The following USP43 variants were observed in gnomAD, a reference collection of about 807,000 sequenced individuals.
USP43 encodes ubiquitin carboxyl-terminal hydrolase 43.
Under a neutral mutation model 90.7 loss-of-function variants are expected in USP43, and 33 were observed. The ratio of observed to expected loss-of-function variants is 0.36; its 90% confidence interval spans 0.28 to 0.49. The LOEUF (loss-of-function observed/expected upper bound fraction) is 0.49. Among genes scored for constraint, USP43 ranks in the 20% least tolerant of loss-of-function variants. The pLI, the probability that USP43 is intolerant of heterozygous loss-of-function variation, is 0.98. For synonymous variants in USP43, 598 were observed against 615.8 expected (o/e 0.97, Z 0.43); for missense variants, 1,274 against 1,476.4 (o/e 0.86, Z 2.25).
At chr17:9,659,770 TTAAG>T (rs977215401) in intron 2 of USP43, among the ~76,000 whole-genome samples, 1 of 151,922 alleles carries the variant, frequency 6.6e-6, no homozygotes, top group Non-Finnish European at 1.5e-5. Context: ...CACACAGTTA[TTAAG>T]TGAGAGAACT....
intron 9 of USP43, 76 bp downstream of exon 9, chr17:9,693,306 C>T: frequency 8.5e-7 from 1 of 1,180,334 alleles, no homozygotes. Flanking sequence ...GGGTATATGT[C>T]AATGAGATTG....
intron 4 of USP43, 51 bp downstream of exon 4, chr17:9,675,034 A>G (rs1913676072): frequency 1.3e-6 from 2 of 1,519,354 alleles, no homozygotes; most frequent in Non-Finnish European, 1.8e-6. Flanking sequence ...ATCCTTACTC[A>G]TTACGGGGAA....
intron 12 of USP43, among the ~76,000 whole-genome samples, chr17:9,703,561 C>T (rs1201592247): frequency 6.6e-6 from 1 of 152,182 alleles, no homozygotes; most frequent in Non-Finnish European, 1.5e-5. Context: ...CACAGTGTGC[C>T]ACCACCTGCC....
intron 3 of USP43, among the ~76,000 whole-genome samples, chr17:9,673,940 T>C (rs974947433): frequency 9.9e-5 from 15 of 152,188 alleles, no homozygotes; most frequent in Admixed American, 5.2e-4. Context: ...GTGGGCAGTG[T>C]CAGTGATTCT....
Position 9,709,658 on chromosome 17 carries a change from G to A in USP43, c.2012-298G>A, listed in dbSNP as rs371920212. On this transcript the variant is annotated intron_variant, in intron 12 of 14. Coordinates refer to ENST00000285199, the MANE Select transcript of USP43 (RefSeq NM_153210.5). The surrounding 1 kb of genome is among the most constrained non-coding windows in gnomAD (Gnocchi z 5.0). The stretch of plus-strand genomic sequence containing the variant: ...TGGAACCCGGGGGGTGGAGGTTGCC[G>A]TGAGCCGAGATCGCGCCACTTCACT... 1.3e-3 allele frequency among the ~76,000 whole-genome samples: 194 copies of A among 152,216 alleles called. 1 individual carries two copies. The highest frequency in any genetic ancestry group is 4.4e-3 in the African/African-American group (183 of 41,530).
chr17:9,675,125 G>A (rs1205388138), intron 4 of USP43, 142 bp downstream of exon 4: 1 of 723,676 alleles, frequency 1.4e-6, no homozygotes, highest in African/African-American at 1.7e-5. Context: ...ATAGCTGGAT[G>A]ACATTCAACT....
Position 9,701,093 on chromosome 17 carries a change from A to G in USP43, c.1536-26A>G, listed in dbSNP as rs1915537825. On this transcript the variant is annotated intron_variant, in intron 10 of 14. Coordinates refer to ENST00000285199, the MANE Select transcript of USP43 (RefSeq NM_153210.5). This position sits in a 1 kb window ranked among gnomAD's most constrained non-coding sequence, Gnocchi z 7.2. ...CTGTCTGGGAGCAGGAAAGTCCTGA[A>G]CGCCGTGGGTGTCCTCTCCGTGCAG... 6.9e-7 allele frequency: 1 copy of G among 1,448,200 alleles called. No individual in the cohort carries two copies. Among genetic ancestry groups the G allele is most frequent in the Non-Finnish European group, 9.1e-7 (1 of 1,097,482 alleles). 89.7% of individuals were successfully genotyped at this position (1,448,200 alleles called of 1,614,324 possible). A position where few individuals can be genotyped will look rare whatever the true frequency, so the allele number is the denominator to read the frequency against.
At chr17:9,647,061 C>CAAAAAAAAAAAAAAAAAAAAA (rs11305216) in intron 1 of USP43, 21 of 79,754 alleles carry the variant, frequency 2.6e-4, no homozygotes, top group Non-Finnish European at 3.9e-4. Context: ...TTGCTTCCTG[C>CAAAAAAAAAAAAAAAAAAAAA]AAAAAAAAAA....
chr17:9,658,264 C>T (rs1912399599), intron 2 of USP43, among the ~76,000 whole-genome samples: 1 of 152,216 alleles, frequency 6.6e-6, no homozygotes, highest in African/African-American at 2.4e-5. Flanking sequence ...ATGAACAGTG[C>T]AGGAAGCTTA....
At chr17:9,710,206 G>GA in intron 13 of USP43, 92 bp downstream of exon 13, 2 of 1,312,656 alleles carry the variant, frequency 1.5e-6, no homozygotes, top group Non-Finnish European at 2.0e-6. Flanking sequence ...GACCAGGAGA[G>GA]GTTGGCAAGG....
At chr17:9,695,779 C>T (rs1400209925) in intron 9 of USP43, among the ~76,000 whole-genome samples, 1 of 152,178 alleles carries the variant, frequency 6.6e-6, no homozygotes, top group Non-Finnish European at 1.5e-5. Flanking sequence ...TATCCCTCCC[C>T]TTCCTCTTCC....
Position 9,680,236 on chromosome 17 carries a change from C to A in USP43, c.975C>A (p.Ile325=). ...AATGATCTTTCTCATTTCAGGTGAT[C>A]TTGGTTGAACTGTATCCCAGTGGAT... is the stretch of plus-strand genomic sequence containing the variant. ...EEGGVPADEV[I]LVELYPSGFQ... The change falls in exon 6 of 15, where the codon ATC becomes ATA. Residue 325 remains isoleucine, a synonymous_variant. Coordinates refer to ENST00000285199, the MANE Select transcript of USP43 (RefSeq NM_153210.5). The A allele has an allele frequency of 6.2e-7, 1 of 1,612,216 alleles. No homozygotes were observed. Among genetic ancestry groups the A allele is most frequent in the Non-Finnish European group, 8.5e-7 (1 of 1,179,056 alleles).
Position 9,701,714 on chromosome 17 carries a change from T to G in USP43, c.2011+14T>G. On this transcript the variant is annotated intron_variant, in intron 12 of 14. Transcript: ENST00000285199. This position sits in a 1 kb window ranked among gnomAD's most constrained non-coding sequence, Gnocchi z 7.2. ...GGCATTACACAGGTGAGCCTTGCCTTGCCTTTCTGCAAATGCAGCTGTGGC... is the reference window on the plus strand; with the variant it reads ...GGCATTACACAGGTGAGCCTTGCCTGGCCTTTCTGCAAATGCAGCTGTGGC... 2.7e-6 allele frequency: 4 copies of G among 1,508,214 alleles called. No individual in the cohort carries two copies. Among genetic ancestry groups the G allele is most frequent in the Non-Finnish European group, 3.6e-6 (4 of 1,122,984 alleles). The allele number at this position is 1,508,214 out of a possible 1,614,324, so 93.4% of individuals were successfully genotyped here. A position where few individuals can be genotyped will look rare whatever the true frequency, so the allele number is the denominator to read the frequency against.
intron 14 of USP43, among the ~76,000 whole-genome samples, chr17:9,720,540 G>A (rs1048658946): frequency 2.0e-5 from 3 of 151,312 alleles, no homozygotes; most frequent in Non-Finnish European, 4.4e-5. Flanking sequence ...CCAGGCTGGA[G>A]TGCAGTGGCG....
chr17:9,683,010 G>A, intron 7 of USP43, 52 bp downstream of exon 7: 1 of 1,587,576 alleles, frequency 6.3e-7, no homozygotes, highest in Non-Finnish European at 8.6e-7. Flanking sequence ...TTGTAGACCT[G>A]TACTTGGGAG....
chr17:9,667,297 C>A (rs924571808), intron 3 of USP43, among the ~76,000 whole-genome samples: 10 of 151,994 alleles, frequency 6.6e-5, no homozygotes, highest in Non-Finnish European at 1.3e-4. Context: ...ATTGCTTGGA[C>A]CCAGGAGGTC....
At chr17:9,685,525 C>T (rs1222518406) in intron 7 of USP43, among the ~76,000 whole-genome samples, 1 of 152,224 alleles carries the variant, frequency 6.6e-6, no homozygotes, top group Admixed American at 6.5e-5. Flanking sequence ...ATTTTGCCAG[C>T]TAGCTGGTCA....
At chr17:9,647,098 AAAG>A (rs1384805266) in intron 1 of USP43, 7 of 152,024 alleles carry the variant, frequency 4.6e-5, no homozygotes, top group East Asian at 1.9e-4. Context: ...AAAGAAAAAA[AAAG>A]AAGAAGAAAC....
chr17:9,714,710 C>T (rs369064674), intron 14 of USP43, among the ~76,000 whole-genome samples: 59 of 149,800 alleles, frequency 3.9e-4, no homozygotes, highest in African/African-American at 1.2e-3. Flanking sequence ...AATGAAGACC[C>T]GAGACCAAAC....
Sources: allele counts gnomAD v4.1 joint callset (sites outside exome capture counted in the v4.1 genomes callset), GRCh38; gene constraint gnomAD v4.1.1; non-coding constraint Gnocchi (gnomAD v3.1); transcripts MANE v1.5; gene names NCBI Gene and HGNC (gene_info 2026-07-23, HGNC 2026-07-21).